Variants in RFTN2 observed in about 807,000 individuals in gnomAD.
RFTN2 encodes the protein raftlin family member 2.
In RFTN2, 34 loss-of-function variants were observed where a neutral mutation model predicts 52.7. The observed-to-expected ratio is 0.64, with a 90% CI of 0.49 to 0.86. The LOEUF (loss-of-function observed/expected upper bound fraction) is 0.86, where lower values mean the gene tolerates loss of function less well. Among genes scored for constraint, RFTN2 ranks in the 40% least tolerant of loss-of-function variants. RFTN2 has a pLI of 0.00. For synonymous variants in RFTN2, 203 were observed against 217.7 expected, an observed-to-expected ratio of 0.93 and a Z score of 0.59; for missense variants, 536 against 600.1, an observed-to-expected ratio of 0.89 and a Z score of 1.12.
rs1042794265 is a variant in RFTN2 at position 197,571,642 on chromosome 2, G to T, written c.*366C>A. 2.1e-5 allele frequency: 4 copies of T among 194,422 alleles called. No homozygotes were observed. The highest frequency in any genetic ancestry group is 9.4e-5 in the African/African-American group (4 of 42,660). 12.0% of individuals were successfully genotyped at this position (194,422 alleles called of 1,614,324 possible). A position where few individuals can be genotyped will look rare whatever the true frequency, so the allele number is the denominator to read the frequency against. On this transcript the variant is annotated 3_prime_UTR_variant, in exon 9 of 9. Coordinates refer to ENST00000295049, the MANE Select transcript of RFTN2 (RefSeq NM_144629.3). Reference sequence around the variant, plus strand: ...CTTAAATAAGACTGTAACTTCCTGAGAACTCTCTCTAATTGGGTAAAATAC... The same window carrying T: ...CTTAAATAAGACTGTAACTTCCTGATAACTCTCTCTAATTGGGTAAAATAC...
At chr2:197,645,349 A>G (rs1249112250) in intron 2 of RFTN2, among the ~76,000 whole-genome samples, 2 of 152,216 alleles carry the variant, frequency 1.3e-5, no homozygotes, top group African/African-American at 4.8e-5. Context: ...ATAGTAGGCT[A>G]TACCATCTAG....
At chr2:197,604,077 A>T (rs192184378) in intron 7 of RFTN2, among the ~76,000 whole-genome samples, 62 of 152,348 alleles carry the variant, frequency 4.1e-4, no homozygotes, top group African/African-American at 1.4e-3. Flanking sequence ...AATGAAAGTC[A>T]CACTGAGATC....
At chr2:197,671,253 C>A (rs2089143555) in intron 1 of RFTN2, among the ~76,000 whole-genome samples, 1 of 152,210 alleles carries the variant, frequency 6.6e-6, no homozygotes, top group Non-Finnish European at 1.5e-5. Context: ...TAGCTCACTG[C>A]TCTGTTCACC....
At chr2:197,654,451 G>A (rs560650625) in intron 1 of RFTN2, among the ~76,000 whole-genome samples, 234 of 152,086 alleles carry the variant, frequency 1.5e-3, no homozygotes, top group Non-Finnish European at 2.7e-3. Flanking sequence ...TTAGAGGGGT[G>A]TTAAAGACAT....
rs958530096 is a variant in RFTN2, at chr2:197,623,958, C to T, written c.929-6037G>A. 2.0e-5 allele frequency among the ~76,000 whole-genome samples: 3 copies of T among 151,934 alleles called. No homozygotes were observed. The East Asian group carries it at 5.8e-4, about 29-fold the overall frequency. On this transcript the variant is annotated intron_variant, in intron 5 of 8. Coordinates refer to ENST00000295049, the MANE Select transcript of RFTN2 (RefSeq NM_144629.3). Reference sequence around the variant, plus strand: ...GGATTACAGGTCTGAGCCACCACGGCTGGCAAATTTTTGTGTTTTCAGTAG... The same window carrying T: ...GGATTACAGGTCTGAGCCACCACGGTTGGCAAATTTTTGTGTTTTCAGTAG...
At chr2:197,575,212 C>T (rs2087392231) in intron 8 of RFTN2, among the ~76,000 whole-genome samples, 1 of 152,324 alleles carries the variant, frequency 6.6e-6, no homozygotes, top group East Asian at 1.9e-4. Context: ...CATGACTTTG[C>T]TCCTCATTCA....
At chr2:197,669,563 G>A (rs2089114389) in intron 1 of RFTN2, among the ~76,000 whole-genome samples, 1 of 152,164 alleles carries the variant, frequency 6.6e-6, no homozygotes, top group Non-Finnish European at 1.5e-5. Context: ...GGTTTGAGAT[G>A]AAACTGTTCC....
rs187107484 is a variant in RFTN2 at position 197,629,809 on chromosome 2, A to T, written c.928+1202T>A. On this transcript the variant is annotated intron_variant, in intron 5 of 8. Transcript: ENST00000295049. ...GCAATCATGGCTCACTGCAGCCTTGACCTCCCTGGGCTCAGGTGATCCTCC... is the reference window on the plus strand; with the variant it reads ...GCAATCATGGCTCACTGCAGCCTTGTCCTCCCTGGGCTCAGGTGATCCTCC... 4.3e-3 allele frequency among the ~76,000 whole-genome samples: 640 copies of T among 150,376 alleles called. 1 individual carries two copies. Among genetic ancestry groups the T allele is most frequent in the African/African-American group, 0.014 (582 of 40,782 alleles).
chr2:197,610,157 T>G (rs958365709), intron 7 of RFTN2, among the ~76,000 whole-genome samples: 30 of 152,324 alleles, frequency 2.0e-4, no homozygotes, highest in Non-Finnish European at 3.2e-4. Flanking sequence ...GTGAAGAAAG[T>G]CATTGATAGC....
chr2:197,655,480 G>A (rs1170165852), intron 1 of RFTN2, among the ~76,000 whole-genome samples: 1 of 152,168 alleles, frequency 6.6e-6, no homozygotes, highest in Non-Finnish European at 1.5e-5. Context: ...TAGAAAGGGA[G>A]AACAAATGTT....
intron 8 of RFTN2, among the ~76,000 whole-genome samples, chr2:197,590,841 G>A (rs982948390): frequency 2.0e-5 from 3 of 152,236 alleles, no homozygotes; most frequent in Non-Finnish European, 2.9e-5. Flanking sequence ...GACCTTCGCA[G>A]TAAGTGCTAC....
chr2:197,659,477 T>TAAAAAA (rs55804577), intron 1 of RFTN2, among the ~76,000 whole-genome samples: 1 of 94,716 alleles, frequency 1.1e-5, no homozygotes, highest in Non-Finnish European at 2.0e-5. Flanking sequence ...CTCCATCTCA[T>TAAAAAA]AAAAAAAAAA....
intron 1 of RFTN2, among the ~76,000 whole-genome samples, chr2:197,665,723 C>A (rs1011617678): frequency 6.6e-6 from 1 of 151,764 alleles, no homozygotes; most frequent in African/African-American, 2.4e-5. Flanking sequence ...GTCCATTCAG[C>A]CAGTATATAT....
chr2:197,635,313 C>T (rs1053500923), intron 3 of RFTN2, among the ~76,000 whole-genome samples: 1 of 152,200 alleles, frequency 6.6e-6, no homozygotes, highest in Non-Finnish European at 1.5e-5. Context: ...AGTCACCACA[C>T]TGACTTCCAC....
At position 197,655,964 on chromosome 2, in the gene RFTN2, C is replaced by T. The variant is rs114144012; in HGVS notation, c.140-9298G>A. On this transcript the variant is annotated intron_variant, in intron 1 of 8. Transcript: ENST00000295049. Reference sequence around the variant, plus strand: ...AGCACCCAGCACAGAGATGACATTACGGTAAGTACCTAAAAATACTTATTA... The same window carrying T: ...AGCACCCAGCACAGAGATGACATTATGGTAAGTACCTAAAAATACTTATTA... Among the ~76,000 whole-genome samples the T allele has an allele frequency of 4.7e-3, 723 of 152,246 alleles. 3 individuals are homozygous for T. Among genetic ancestry groups the T allele is most frequent in the African/African-American group, 0.016 (684 of 41,530 alleles).
rs1245387066 is a variant in RFTN2, at chr2:197,570,715, G to C, written c.*1293C>G. 6.6e-6 allele frequency: 1 copy of C among 152,188 alleles called. No homozygotes were observed. Among genetic ancestry groups the C allele is most frequent in the Non-Finnish European group, 1.5e-5 (1 of 68,042 alleles). 9.4% of individuals were successfully genotyped at this position (152,188 alleles called of 1,614,324 possible). ...ACTGCATTCCAGCCTGGGTGACAGA[G>C]TGAGACTCCGTCTCAAAAAAAGCCA... On this transcript the variant is annotated 3_prime_UTR_variant, in exon 9 of 9. Coordinates refer to ENST00000295049, the MANE Select transcript of RFTN2 (RefSeq NM_144629.3).
At chr2:197,625,075 C>G (rs2088332361) in intron 5 of RFTN2, among the ~76,000 whole-genome samples, 1 of 152,214 alleles carries the variant, frequency 6.6e-6, no homozygotes, top group Non-Finnish European at 1.5e-5. Flanking sequence ...GTCTCAAACT[C>G]CAGGCCCCCA....
intron 1 of RFTN2, among the ~76,000 whole-genome samples, chr2:197,673,954 C>T (rs767961982): frequency 3.3e-5 from 5 of 151,728 alleles, no homozygotes; most frequent in Admixed American, 6.6e-5. Flanking sequence ...TGTACAGAAA[C>T]GAGTCCTAAA....
chr2:197,619,217 C>G (rs977129224), intron 5 of RFTN2, among the ~76,000 whole-genome samples: 1 of 151,960 alleles, frequency 6.6e-6, no homozygotes, highest in Non-Finnish European at 1.5e-5. Flanking sequence ...CCCCTCTGCC[C>G]GGCCACCACC....
Sources: gnomAD v4.1 joint callset for allele counts (sites outside exome capture counted in the v4.1 genomes callset) on GRCh38, gnomAD v4.1.1 for gene constraint, MANE v1.5 for transcripts, NCBI Gene and HGNC (gene_info 2026-07-23, HGNC 2026-07-21) for gene names.